TEX2: variants seen among roughly 807,000 people sequenced by gnomAD.
TEX2 encodes the protein testis-expressed protein 2.
In TEX2, 53 loss-of-function variants were observed where a neutral mutation model predicts 106.9. The observed-to-expected ratio is 0.50, with a 90% CI of 0.40 to 0.62. TEX2 has a LOEUF of 0.62. Ranked by LOEUF, TEX2 falls within the 20% of genes least tolerant of loss-of-function variation. TEX2 has a pLI of 0.00. For synonymous variants in TEX2, 523 were observed against 534.8 expected (o/e 0.98, Z 0.30); for missense variants, 1,207 against 1,379.0 (o/e 0.88, Z 1.98).
chr17:64,217,526 T>C lies in TEX2; in HGVS notation c.-25-3284A>G, dbSNP rs1342889236. ...TTTTGTACCTGCCCTCTGTGCTCCG[T>C]CATGGACAGCTCACTTACAAGCTAA... On this transcript the variant is annotated intron_variant, in intron 1 of 11. Transcript: ENST00000584379. This position sits in a 1 kb window ranked among gnomAD's most constrained non-coding sequence, Gnocchi z 4.3. Among the ~76,000 whole-genome samples, 1 of 152,230 alleles carries C rather than the reference T, an allele frequency of 6.6e-6. No individual in the cohort carries two copies. Among genetic ancestry groups the C allele is most frequent in the Admixed American group, 6.5e-5 (1 of 15,288 alleles).
At position 64,148,938 on chromosome 17, in the gene TEX2, T is replaced by A. The variant is rs2030198638; in HGVS notation, c.*31A>T. ...AGAACCCCACACATCCAGCTCGATG[T>A]CACAATATGGGGAACATCTGACATC... On this transcript the variant is annotated 3_prime_UTR_variant, in exon 12 of 12. Coordinates refer to ENST00000584379, the MANE Select transcript of TEX2 (RefSeq NM_001288732.2). 2 of 1,613,244 alleles carry A rather than the reference T, an allele frequency of 1.2e-6. No homozygotes were observed.
intron 7 of TEX2, among the ~76,000 whole-genome samples, chr17:64,165,611 G>T (rs1016269516): frequency 6.6e-6 from 1 of 152,220 alleles, no homozygotes; most frequent in Admixed American, 6.5e-5. Flanking sequence ...TGTGGCAGGA[G>T]GAGTGGGCAA....
At chr17:64,209,188 G>A (rs1005403555) in intron 2 of TEX2, among the ~76,000 whole-genome samples, 15 of 152,246 alleles carry the variant, frequency 9.9e-5, no homozygotes, top group African/African-American at 2.6e-4. Flanking sequence ...TAATGTCAAC[G>A]CTGCTAAATG....
chr17:64,262,976 G>T (rs950007464), intron 1 of TEX2, among the ~76,000 whole-genome samples, 192 bp downstream of exon 1: 6 of 152,150 alleles, frequency 3.9e-5, no homozygotes, highest in Non-Finnish European at 8.8e-5. Flanking sequence ...GGATTGCCCG[G>T]GGGTGTCGCG....
chr17:64,193,672 T>C lies in TEX2; in HGVS notation c.2063A>G (p.Tyr688Cys), dbSNP rs1216862844. 1.3e-6 allele frequency: 2 copies of C among 1,594,312 alleles called. No individual in the cohort carries two copies. The highest frequency in any genetic ancestry group is 1.7e-6 in the Non-Finnish European group (2 of 1,170,840). The change falls in exon 4 of 12, where the codon TAT becomes TGT. Residue 688 changes from tyrosine to cysteine, a missense_variant. Coordinates refer to ENST00000584379, the MANE Select transcript of TEX2 (RefSeq NM_001288732.2). ...TRSSQRDQIL[Y>C]LFGRTGREKE... ...TTCTCGGCCAGTTCTCCCAAAGAGA[T>C]AGAGTATCTGATCTCGCTGGCTAGA... is the stretch of plus-strand genomic sequence containing the variant.
At chr17:64,166,065 G>A (rs1029516293) in intron 7 of TEX2, among the ~76,000 whole-genome samples, 10 of 152,100 alleles carry the variant, frequency 6.6e-5, no homozygotes, top group Non-Finnish European at 8.8e-5. Context: ...TCATTCTGAC[G>A]CTGCTGACAC....
intron 4 of TEX2, among the ~76,000 whole-genome samples, chr17:64,191,361 C>G (rs2032289189): frequency 6.6e-6 from 1 of 152,124 alleles, no homozygotes; most frequent in African/African-American, 2.4e-5. Flanking sequence ...CTCTGGGGGG[C>G]CCCTAAGTAC....
chr17:64,170,867 T>G (rs1316400141), intron 7 of TEX2, among the ~76,000 whole-genome samples: 6 of 152,106 alleles, frequency 3.9e-5, no homozygotes, highest in Non-Finnish European at 7.4e-5. Flanking sequence ...ATTCCTGACC[T>G]CAGGTGATCC....
intron 8 of TEX2, among the ~76,000 whole-genome samples, chr17:64,160,017 C>T (rs892477316): frequency 7.9e-5 from 12 of 152,208 alleles, no homozygotes; most frequent in African/African-American, 2.9e-4. Context: ...CTCCTTGTGA[C>T]ATTTTCATGT....
chr17:64,158,534 G>A (rs1005467450), intron 8 of TEX2, among the ~76,000 whole-genome samples: 8 of 152,184 alleles, frequency 5.3e-5, no homozygotes, highest in Non-Finnish European at 8.8e-5. Context: ...AAGGTCACAC[G>A]CTTCAAACAG....
At position 64,194,889 on chromosome 17, in the gene TEX2, G is replaced by C. The variant is rs201083101; in HGVS notation, c.1845+6C>G. The C allele has an allele frequency of 5.6e-5, 90 of 1,613,890 alleles. No homozygotes were observed. The African/African-American group carries it at 9.7e-4, about 17-fold the overall frequency. ...AAGCTATCCTTCCAAAATTGCTCAG[G>C]CTCACCTTGCTGTCTGAGAGGTCAT... On this transcript the variant is annotated splice_donor_region_variant and intron_variant, in intron 3 of 11. Transcript: ENST00000584379.
chr17:64,160,820 C>T lies in TEX2; in HGVS notation c.2785G>A (p.Gly929Arg). The change falls in exon 8 of 12, where the codon GGA (glycine) becomes AGA (arginine). Residue 929 changes from glycine to arginine, a missense_variant. Gly to Arg is a moderately radical substitution (Grantham distance 125, BLOSUM62 -2). Coordinates refer to ENST00000584379, the MANE Select transcript of TEX2 (RefSeq NM_001288732.2). Reference protein sequence around the residue: ...KEPLVEALKVGEIGKEGCRPR... With the variant: ...KEPLVEALKVREIGKEGCRPR... ...CCTTACCCTTCTTTGCCAATTTCTC[C>T]AACCTTCAGGGCTTCAACAAGAGGC... 6.2e-7 allele frequency: 1 copy of T among 1,614,068 alleles called. No homozygotes were observed. Among genetic ancestry groups the T allele is most frequent in the South Asian group, 1.1e-5 (1 of 91,068 alleles).
intron 10 of TEX2, 127 bp from the exon 11 acceptor site, chr17:64,151,088 G>A (rs1415201458): frequency 2.7e-6 from 3 of 1,127,656 alleles, no homozygotes; most frequent in African/African-American, 1.6e-5. Context: ...TTCTGAAAAT[G>A]CCCTCTAAAA....
rs74530329 is a variant in TEX2 at position 64,209,094 on chromosome 17, G to A, written c.1644+3480C>T. Among the ~76,000 whole-genome samples, 25 of 152,296 alleles carry A rather than the reference G, an allele frequency of 1.6e-4. No individual in the cohort carries two copies. The East Asian group carries it at 4.8e-3, about 29-fold the overall frequency. ...GTGGCAGGTGCTGAGGATACAAGATGAACAAGATGGACAGGGCCTATGCAT... is the reference window on the plus strand; with the variant it reads ...GTGGCAGGTGCTGAGGATACAAGATAAACAAGATGGACAGGGCCTATGCAT... On this transcript the variant is annotated intron_variant, in intron 2 of 11. Coordinates refer to ENST00000584379, the MANE Select transcript of TEX2 (RefSeq NM_001288732.2).
At chr17:64,181,471 TCAAAAAAA>T (rs2031856682) in intron 5 of TEX2, among the ~76,000 whole-genome samples, 1 of 117,432 alleles carries the variant, frequency 8.5e-6, no homozygotes, top group Non-Finnish European at 1.8e-5. Flanking sequence ...CAAGGCTATC[TCAAAAAAA>T]AAAAAAAAAA....
intron 5 of TEX2, among the ~76,000 whole-genome samples, chr17:64,181,342 G>A (rs2031846152): frequency 6.6e-6 from 1 of 152,010 alleles, no homozygotes; most frequent in Non-Finnish European, 1.5e-5. Flanking sequence ...TGGGTGTGGT[G>A]GTGCGTGCCT....
chr17:64,184,476 C>T (rs1434245477), intron 5 of TEX2, among the ~76,000 whole-genome samples: 2 of 152,076 alleles, frequency 1.3e-5, no homozygotes, highest in African/African-American at 4.8e-5. Context: ...AGGTACCAGT[C>T]CTTTATATTT....
At chr17:64,229,141 G>T (rs1555634297) in intron 1 of TEX2, among the ~76,000 whole-genome samples, 2 of 152,200 alleles carry the variant, frequency 1.3e-5, no homozygotes, top group African/African-American at 4.8e-5. Flanking sequence ...TATTTCTAGA[G>T]TGGAGTTGCT....
At chr17:64,227,965 T>A (rs2033553142) in intron 1 of TEX2, among the ~76,000 whole-genome samples, 1 of 152,250 alleles carries the variant, frequency 6.6e-6, no homozygotes, top group Non-Finnish European at 1.5e-5. Context: ...ATAGGATGAA[T>A]ATTCCATAAT....
Sources: allele counts gnomAD v4.1 joint callset (sites outside exome capture counted in the v4.1 genomes callset), GRCh38; gene constraint gnomAD v4.1.1; non-coding constraint Gnocchi (gnomAD v3.1); transcripts MANE v1.5; gene names NCBI Gene and HGNC (gene_info 2026-07-23, HGNC 2026-07-21).